The following TTLL11 variants were observed in gnomAD, a reference collection of about 807,000 sequenced individuals.
The protein encoded by TTLL11 is tubulin polyglutamylase TTLL11.
TTLL11 carries 42 observed loss-of-function variants against 51.7 expected under a neutral mutation model. That is an observed-to-expected ratio of 0.81 (90% CI 0.64 to 1.05). The LOEUF is 1.05. TTLL11 is among the 50% of genes least tolerant of loss of function. The pLI is 0.00. For missense variants in TTLL11, 799 were observed against 940.4 expected, an observed-to-expected ratio of 0.85 and a Z score of 1.97; for synonymous variants, 381 against 383.5, an observed-to-expected ratio of 0.99 and a Z score of 0.08.
chr9:121,829,027 G>A (rs1406924798), intron 8 of TTLL11, among the ~76,000 whole-genome samples: 1 of 150,744 alleles, frequency 6.6e-6, no homozygotes, highest in Non-Finnish European at 1.5e-5. Flanking sequence ...GCATGATCTT[G>A]GCTCAACCTC....
intron 3 of TTLL11, among the ~76,000 whole-genome samples, chr9:121,996,422 C>T (rs1037621625): frequency 2.6e-5 from 4 of 152,118 alleles, no homozygotes; most frequent in African/African-American, 9.7e-5. Context: ...CATGACCAGC[C>T]CTTTGAGGTC....
At chr9:121,826,485 A>ATATATATGTGTGTGTATATATATATG (rs1564260291) in intron 8 of TTLL11, among the ~76,000 whole-genome samples, 7 of 73,192 alleles carry the variant, frequency 9.6e-5, no homozygotes, top group East Asian at 1.3e-3. Flanking sequence ...ATATATGTAT[A>ATATATATGTGTGTGTATATATATATG]TATATATATG....
At chr9:121,899,619 G>A (rs1037471933) in intron 6 of TTLL11, among the ~76,000 whole-genome samples, 1 of 151,882 alleles carries the variant, frequency 6.6e-6, no homozygotes, top group African/African-American at 2.4e-5. Flanking sequence ...GCCCAGGCTG[G>A]TCTTGAACTC....
chr9:121,917,553 A>AAAAGAAAG (rs553060411), intron 6 of TTLL11, among the ~76,000 whole-genome samples: 5 of 144,900 alleles, frequency 3.5e-5, no homozygotes, highest in Middle Eastern at 3.2e-3. Context: ...AAGAAAAAGA[A>AAAAGAAAG]AAAGAAAGAA....
intron 3 of TTLL11, among the ~76,000 whole-genome samples, chr9:122,000,209 C>T (rs1029503630): frequency 2.4e-4 from 37 of 152,056 alleles, no homozygotes; most frequent in African/African-American, 7.7e-4. Flanking sequence ...CAGTGGCTCA[C>T]GCCTGTAATC....
At chr9:121,929,136 C>T (rs1001828758) in intron 6 of TTLL11, among the ~76,000 whole-genome samples, 20 of 152,086 alleles carry the variant, frequency 1.3e-4, no homozygotes, top group African/African-American at 4.1e-4. Flanking sequence ...ACCACACAAA[C>T]TTTCCATAAA....
intron 6 of TTLL11, among the ~76,000 whole-genome samples, chr9:121,888,046 CTGCAG>C (rs1839080069): frequency 6.6e-6 from 1 of 152,178 alleles, no homozygotes; most frequent in African/African-American, 2.4e-5. Flanking sequence ...GGACACTGGC[CTGCAG>C]CCTTGGCCCA....
At chr9:121,965,535 C>A (rs768908009) in intron 6 of TTLL11, among the ~76,000 whole-genome samples, 4 of 152,136 alleles carry the variant, frequency 2.6e-5, no homozygotes, top group African/African-American at 4.8e-5. Context: ...GGATTACAAT[C>A]CGAGATGAGA....
chr9:121,903,278 G>A (rs1254715176), intron 6 of TTLL11, among the ~76,000 whole-genome samples: 1 of 152,124 alleles, frequency 6.6e-6, no homozygotes, highest in Admixed American at 6.5e-5. Flanking sequence ...ATTGGAGCCC[G>A]AGTCCCACTC....
intron 1 of TTLL11, among the ~76,000 whole-genome samples, chr9:122,085,800 CA>C (rs1846108603): frequency 6.6e-6 from 1 of 152,138 alleles, no homozygotes; most frequent in Non-Finnish European, 1.5e-5. Flanking sequence ...AGCACTAGCC[CA>C]TTGCTACAGC....
At chr9:121,866,573 T>C (rs1043510167) in intron 7 of TTLL11, among the ~76,000 whole-genome samples, 11 of 150,698 alleles carry the variant, frequency 7.3e-5, no homozygotes, top group Admixed American at 7.3e-4. Context: ...GACAGGAGAA[T>C]TACTTGAACC....
intron 1 of TTLL11, among the ~76,000 whole-genome samples, chr9:122,056,811 G>A (rs983430767): frequency 2.0e-5 from 3 of 152,172 alleles, no homozygotes; most frequent in Admixed American, 6.5e-5. Flanking sequence ...CAACAGAACC[G>A]CTAATGCAAT....
intron 8 of TTLL11, among the ~76,000 whole-genome samples, chr9:121,844,767 G>T (rs1024228353): frequency 1.3e-5 from 2 of 151,832 alleles, no homozygotes; most frequent in African/African-American, 2.4e-5. Flanking sequence ...TACAGTCAAA[G>T]AAAGAATCAG....
intron 4 of TTLL11, among the ~76,000 whole-genome samples, chr9:121,975,831 C>T (rs775481351): frequency 6.6e-6 from 1 of 152,158 alleles, no homozygotes; most frequent in African/African-American, 2.4e-5. Context: ...TTCAGATACA[C>T]CCTCTTAGTT....
At chr9:121,993,931 C>T (rs564913642) in intron 3 of TTLL11, among the ~76,000 whole-genome samples, 16 of 152,280 alleles carry the variant, frequency 1.1e-4, no homozygotes, top group Admixed American at 8.5e-4. Context: ...CACAGGTACA[C>T]GCTACAGATC....
In TTLL11 at chr9:121,822,293, T is replaced by G. The variant is rs1252591585; in HGVS notation, c.*294A>C. On this transcript the variant is annotated 3_prime_UTR_variant, in exon 9 of 9. Transcript: ENST00000321582. This position sits in a 1 kb window ranked among gnomAD's most constrained non-coding sequence, Gnocchi z 5.8. ...AATACAACAGATTTGCCCCAGTTGG[T>G]GCTTCCTGTGAGCCCAGAATAGAAG... 4.5e-6 allele frequency: 1 copy of G among 221,734 alleles called. No individual in the cohort carries two copies. Among genetic ancestry groups the G allele is most frequent in the Non-Finnish European group, 8.8e-6 (1 of 113,922 alleles). The allele number at this position is 221,734 out of a possible 1,614,324, so 13.7% of individuals were successfully genotyped here.
chr9:121,943,776 A>C (rs1841572342), intron 6 of TTLL11, among the ~76,000 whole-genome samples: 1 of 152,180 alleles, frequency 6.6e-6, no homozygotes, highest in African/African-American at 2.4e-5. Context: ...TTGTATACTC[A>C]TGTGATGCCT....
intron 6 of TTLL11, among the ~76,000 whole-genome samples, chr9:121,954,807 CAA>C (rs1841971723): frequency 6.6e-6 from 1 of 152,158 alleles, no homozygotes; most frequent in Admixed American, 6.6e-5. Context: ...GCAAAATTTG[CAA>C]AGTCTAAGGG....
chr9:122,063,513 T>C (rs10544831), intron 1 of TTLL11, among the ~76,000 whole-genome samples: 13,579 of 83,258 alleles, frequency 0.16, 858 homozygotes, highest in African/African-American at 0.31. Context: ...GAAATCACTA[T>C]TATTGAGTTC....
Sources: allele counts gnomAD v4.1 joint callset (sites outside exome capture counted in the v4.1 genomes callset), GRCh38; gene constraint gnomAD v4.1.1; non-coding constraint Gnocchi (gnomAD v3.1); transcripts MANE v1.5; gene names NCBI Gene and HGNC (gene_info 2026-07-23, HGNC 2026-07-21).